The following TRDN variants were observed in gnomAD, a reference collection of about 807,000 sequenced individuals.
TRDN encodes triadin.
Under a neutral mutation model 149.7 loss-of-function variants are expected in TRDN, and 161 were observed. The observed-to-expected ratio is 1.08, with a 90% CI of 0.95 to 1.23. The LOEUF is 1.23. Ranked by LOEUF, TRDN falls within the 50% of genes most tolerant of loss-of-function variation. The probability of loss-of-function intolerance (pLI) is 0.00; values close to 1 mark genes in which losing one functional copy is unlikely to be tolerated. For missense variants in TRDN, 896 were observed against 823.5 expected (o/e 1.09, Z -1.08); for synonymous variants, 294 against 250.5 (o/e 1.17, Z -1.64).
chr6:123,253,666 T>C (rs537767059), intron 37 of TRDN, among the ~76,000 whole-genome samples: 1 of 152,214 alleles, frequency 6.6e-6, no homozygotes, highest in East Asian at 1.9e-4. Flanking sequence ...TATCTCTGAG[T>C]TGGACTTGTG....
intron 4 of TRDN, among the ~76,000 whole-genome samples, chr6:123,532,094 G>A (rs1008881487): frequency 4.6e-5 from 7 of 151,898 alleles, no homozygotes; most frequent in African/African-American, 1.7e-4. Flanking sequence ...ACTATCCAAT[G>A]CAGTAGCCAC....
chr6:123,510,642 C>CTTTTTTTTTTTTT (rs145396385), intron 7 of TRDN, among the ~76,000 whole-genome samples: 1 of 138,482 alleles, frequency 7.2e-6, no homozygotes, highest in Non-Finnish European at 1.6e-5. Context: ...TGCATGACCA[C>CTTTTTTTTTTTTT]TTTTTTTTTT....
At chr6:123,430,159 A>T (rs1419851395) in intron 12 of TRDN, among the ~76,000 whole-genome samples, 1 of 152,058 alleles carries the variant, frequency 6.6e-6, no homozygotes, top group Non-Finnish European at 1.5e-5. Flanking sequence ...GGTCCCAGCT[A>T]CACAGGAGGC....
chr6:123,282,724 C>T (rs1035654736), intron 24 of TRDN, among the ~76,000 whole-genome samples: 27 of 143,038 alleles, frequency 1.9e-4, no homozygotes, highest in Non-Finnish European at 1.4e-4. Context: ...ACAGAAACTG[C>T]TCTATTAGAT....
rs117051684 is a variant in TRDN at position 123,259,199 on chromosome 6, C to T, written c.1870+425G>A. ...CTGCTAGCTTTCGAATTTGTTTGTT[C>T]TTGCTTCTGTAGTTCTTTTCATTGT... On this transcript the variant is annotated intron_variant, in intron 35 of 40. Transcript: ENST00000334268. Among the ~76,000 whole-genome samples the T allele has an allele frequency of 3.2e-3, 490 of 151,914 alleles. 19 individuals carry two copies. The East Asian group carries it at 0.08, about 25-fold the overall frequency.
intron 10 of TRDN, among the ~76,000 whole-genome samples, chr6:123,451,788 T>C (rs1775792383): frequency 6.6e-6 from 1 of 151,916 alleles, no homozygotes. Context: ...GGAAAGGACA[T>C]AATGAAAAAT....
At chr6:123,607,209 A>G (rs1468391680) in intron 1 of TRDN, among the ~76,000 whole-genome samples, 2 of 152,298 alleles carry the variant, frequency 1.3e-5, no homozygotes, top group South Asian at 2.1e-4. Flanking sequence ...TGCTTCCATT[A>G]TGAGGTACAT....
At chr6:123,612,116 C>T (rs1196428016) in intron 1 of TRDN, among the ~76,000 whole-genome samples, 1 of 151,054 alleles carries the variant, frequency 6.6e-6, no homozygotes, top group African/African-American at 2.4e-5. Context: ...GGGGGCCGGG[C>T]GCAATGGCTC....
chr6:123,501,149 GA>G (rs909851036), intron 8 of TRDN, among the ~76,000 whole-genome samples: 1 of 151,930 alleles, frequency 6.6e-6, no homozygotes, highest in Non-Finnish European at 1.5e-5. Context: ...AGCAGAAAAA[GA>G]GATGTATTAT....
chr6:123,361,483 C>T (rs12110853), intron 20 of TRDN, among the ~76,000 whole-genome samples: 12,344 of 151,604 alleles, frequency 0.081, 1,666 homozygotes, highest in African/African-American at 0.28. Flanking sequence ...TAACAAAACA[C>T]GTTTTGCACA....
intron 1 of TRDN, among the ~76,000 whole-genome samples, chr6:123,581,227 C>G (rs184692148): frequency 1.4e-4 from 22 of 152,268 alleles, no homozygotes; most frequent in Admixed American, 2.6e-4. Context: ...AAATCTAACT[C>G]CTCTTCCAAG....
At chr6:123,459,149 GT>G (rs1270668888) in intron 10 of TRDN, among the ~76,000 whole-genome samples, 2 of 152,152 alleles carry the variant, frequency 1.3e-5, no homozygotes, top group East Asian at 3.9e-4. Context: ...ATATTCAGTT[GT>G]CCACTGCAGA....
chr6:123,349,994 A>G (rs1780396298), intron 21 of TRDN: 1 of 985,244 alleles, frequency 1.0e-6, no homozygotes, highest in African/African-American at 1.7e-5. Flanking sequence ...GTGGACACAA[A>G]TTAGCCCATT....
chr6:123,327,349 G>A (rs1009865727), intron 23 of TRDN, among the ~76,000 whole-genome samples: 1 of 151,692 alleles, frequency 6.6e-6, no homozygotes, highest in Non-Finnish European at 1.5e-5. Context: ...TCTTATTTTT[G>A]TCCTTTCAAG....
At chr6:123,605,514 T>C (rs1467535709) in intron 1 of TRDN, among the ~76,000 whole-genome samples, 1 of 150,218 alleles carries the variant, frequency 6.7e-6, no homozygotes, top group African/African-American at 2.5e-5. Flanking sequence ...GGGCCAGGCG[T>C]GGTGGCTCAT....
At chr6:123,354,034 C>T (rs186453105) in intron 20 of TRDN, among the ~76,000 whole-genome samples, 39 of 151,680 alleles carry the variant, frequency 2.6e-4, no homozygotes, top group Non-Finnish European at 2.8e-4. Flanking sequence ...AGTTGGCCTT[C>T]AATGCTGAAA....
chr6:123,381,484 C>G (rs762035231), intron 15 of TRDN, 94 bp from the exon 16 acceptor site: 1 of 1,205,042 alleles, frequency 8.3e-7, no homozygotes, highest in Non-Finnish European at 1.2e-6. Context: ...TTTCCCACCC[C>G]TCCTTCCAAT....
chr6:123,220,607 T>G (rs1419908328), intron 40 of TRDN, among the ~76,000 whole-genome samples: 1 of 151,782 alleles, frequency 6.6e-6, no homozygotes, highest in Non-Finnish European at 1.5e-5. Context: ...AGTTCCAGCA[T>G]CCAAAGAAGT....
intron 1 of TRDN, among the ~76,000 whole-genome samples, chr6:123,631,711 T>A (rs1490197353): frequency 7.2e-5 from 11 of 152,022 alleles, no homozygotes; most frequent in African/African-American, 2.7e-4. Context: ...ACTCTGTTTT[T>A]TTTCTTAACT....
Sources: allele counts gnomAD v4.1 joint callset (sites outside exome capture counted in the v4.1 genomes callset), GRCh38; gene constraint gnomAD v4.1.1; transcripts MANE v1.5; gene names NCBI Gene and HGNC (gene_info 2026-07-23, HGNC 2026-07-21).